EXOC4: variants seen among roughly 807,000 people sequenced by gnomAD.
The protein encoded by EXOC4 is SEC8-like 1.
EXOC4 carries 71 observed loss-of-function variants against 107.2 expected under a neutral mutation model. The observed-to-expected ratio is 0.66, with a 90% CI of 0.55 to 0.81. The LOEUF is 0.81. EXOC4 is among the 30% of genes least tolerant of loss of function. The pLI is 0.00. For missense variants in EXOC4, 1,108 were observed against 1,189.6 expected, an observed-to-expected ratio of 0.93 and a Z score of 1.01; for synonymous variants, 456 against 441.2, an observed-to-expected ratio of 1.03 and a Z score of -0.42.
chr7:133,928,924 T>A (rs1800112211), intron 13 of EXOC4, among the ~76,000 whole-genome samples: 1 of 32,610 alleles, frequency 3.1e-5, no homozygotes, highest in South Asian at 2.4e-3. Flanking sequence ...AGTAGTACCT[T>A]TTTTTTTTTT....
chr7:133,576,815 C>A (rs561845657), intron 9 of EXOC4: 1 of 1,289,548 alleles, frequency 7.8e-7, no homozygotes, highest in African/African-American at 1.5e-5. Flanking sequence ...GCAAGTTTTA[C>A]TGAACTCCTC....
intron 10 of EXOC4, among the ~76,000 whole-genome samples, chr7:133,660,973 A>G (rs1803426880): frequency 6.6e-6 from 1 of 152,164 alleles, no homozygotes; most frequent in African/African-American, 2.4e-5. Flanking sequence ...TGAGAAAGAG[A>G]TAAAGTGGTT....
intron 1 of EXOC4, among the ~76,000 whole-genome samples, chr7:133,262,006 C>T (rs1305619892): frequency 6.6e-6 from 1 of 152,168 alleles, no homozygotes; most frequent in East Asian, 1.9e-4. Flanking sequence ...CATTACTGCC[C>T]TGCAGATTCT....
chr7:133,775,367 A>G (rs1290932368), intron 10 of EXOC4, among the ~76,000 whole-genome samples: 1 of 152,198 alleles, frequency 6.6e-6, no homozygotes, highest in East Asian at 1.9e-4. Context: ...ACGTCAAGCC[A>G]CCTGTGAAGC....
At chr7:133,486,263 G>A (rs185916678) in intron 9 of EXOC4, among the ~76,000 whole-genome samples, 8 of 152,012 alleles carry the variant, frequency 5.3e-5, no homozygotes, top group African/African-American at 1.4e-4. Flanking sequence ...TAATCTCTTC[G>A]GGGGTGTCTT....
chr7:133,983,122 A>G (rs1794034129), intron 14 of EXOC4, among the ~76,000 whole-genome samples: 1 of 151,836 alleles, frequency 6.6e-6, no homozygotes, highest in Non-Finnish European at 1.5e-5. Flanking sequence ...GGCATCTCAC[A>G]TGGCAGGAGC....
intron 10 of EXOC4, among the ~76,000 whole-genome samples, chr7:133,795,884 G>A (rs1165942213): frequency 1.3e-5 from 2 of 151,946 alleles, no homozygotes; most frequent in African/African-American, 4.8e-5. Context: ...TATTATTCAC[G>A]TTTTAAAAAC....
intron 13 of EXOC4, among the ~76,000 whole-genome samples, chr7:133,924,050 C>T (rs540238812): frequency 6.6e-6 from 1 of 151,830 alleles, no homozygotes; most frequent in South Asian, 2.1e-4. Flanking sequence ...TTGGTTAGAG[C>T]CCTGAGTAGA....
intron 10 of EXOC4, among the ~76,000 whole-genome samples, chr7:133,666,548 G>A (rs565048708): frequency 6.6e-6 from 1 of 152,202 alleles, no homozygotes; most frequent in South Asian, 2.1e-4. Context: ...TAATGGGGAT[G>A]GAAACATTCA....
At position 133,584,376 on chromosome 7, in the gene EXOC4, G is replaced by A. The variant is rs995497263; in HGVS notation, c.1418-45669G>A. ...CCCAAAACCCTTTTCTTACTAAATT[G>A]TCTTATTCACTCAAGATTGCATCAT... On this transcript the variant is annotated intron_variant, in intron 9 of 17. Transcript: ENST00000253861. Among the ~76,000 whole-genome samples, 14 of 152,066 alleles carry A rather than the reference G, an allele frequency of 9.2e-5. 1 individual carries two copies. Among genetic ancestry groups the A allele is most frequent in the African/African-American group, 2.7e-4 (11 of 41,420 alleles).
chr7:133,449,668 A>T (rs1798296068), intron 7 of EXOC4, among the ~76,000 whole-genome samples: 1 of 151,744 alleles, frequency 6.6e-6, no homozygotes, highest in African/African-American at 2.4e-5. Flanking sequence ...AAAATGCGGT[A>T]AACTCTTTTG....
chr7:134,005,150 A>G (rs1794617496), intron 16 of EXOC4, 60 bp downstream of exon 16: 1 of 1,507,380 alleles, frequency 6.6e-7, no homozygotes, highest in South Asian at 1.2e-5. Flanking sequence ...AGTTTTCCTG[A>G]TTTTCTGTAT....
intron 17 of EXOC4, among the ~76,000 whole-genome samples, chr7:134,012,828 A>T (rs1392462669): frequency 2.6e-5 from 4 of 152,200 alleles, no homozygotes; most frequent in Non-Finnish European, 5.9e-5. Context: ...GAGGAAGTTG[A>T]GGAGGCAGCC....
At chr7:133,430,414 G>T (rs1797830800) in intron 7 of EXOC4, among the ~76,000 whole-genome samples, 1 of 152,086 alleles carries the variant, frequency 6.6e-6, no homozygotes. Context: ...CTTGCGGGTG[G>T]GGCCTTTGCT....
intron 11 of EXOC4, among the ~76,000 whole-genome samples, chr7:133,825,184 TAA>T (rs80191281): frequency 1.0e-4 from 14 of 135,192 alleles, no homozygotes; most frequent in Non-Finnish European, 9.6e-5. Flanking sequence ...CAACTGTCTC[TAA>T]AAAAAAAAAA....
intron 17 of EXOC4, chr7:134,010,336 G>C (rs1404081176): frequency 5.9e-5 from 9 of 152,174 alleles, no homozygotes; most frequent in African/African-American, 2.2e-4. Context: ...TAGCCGGCAT[G>C]GGTCAGTTTT....
chr7:133,599,288 A>G (rs1251247907), intron 9 of EXOC4, among the ~76,000 whole-genome samples: 1 of 152,224 alleles, frequency 6.6e-6, no homozygotes, highest in East Asian at 1.9e-4. Context: ...TACAAATGAA[A>G]AGGCTTCTTA....
At chr7:133,386,923 A>G (rs1796740084) in intron 7 of EXOC4, among the ~76,000 whole-genome samples, 1 of 152,160 alleles carries the variant, frequency 6.6e-6, no homozygotes, top group South Asian at 2.1e-4. Context: ...ACAGTGCACT[A>G]TAATGTATTG....
chr7:133,799,967 C>A (rs1301112371), intron 10 of EXOC4, among the ~76,000 whole-genome samples: 1 of 152,150 alleles, frequency 6.6e-6, no homozygotes, highest in Non-Finnish European at 1.5e-5. Flanking sequence ...CTTAGTGAGT[C>A]AGGTAGCTGT....
Sources: allele counts gnomAD v4.1 joint callset (sites outside exome capture counted in the v4.1 genomes callset), GRCh38; gene constraint gnomAD v4.1.1; transcripts MANE v1.5; gene names NCBI Gene and HGNC (gene_info 2026-07-23, HGNC 2026-07-21).